Variants in CDH18 observed in about 807,000 individuals in gnomAD.
CDH18 encodes the protein cadherin-18.
CDH18 carries 31 observed loss-of-function variants against 67.9 expected under a neutral mutation model. That is an observed-to-expected ratio of 0.46 (90% CI 0.34 to 0.62). The LOEUF (loss-of-function observed/expected upper bound fraction) is 0.62, where lower values mean the gene tolerates loss of function less well. Ranked by LOEUF, CDH18 falls within the 20% of genes least tolerant of loss-of-function variation. CDH18 has a pLI of 0.01. For missense variants in CDH18, 890 were observed against 975.5 expected (o/e 0.91, Z 1.17); for synonymous variants, 362 against 347.2 (o/e 1.04, Z -0.48).
intron 6 of CDH18, among the ~76,000 whole-genome samples, chr5:19,599,802 G>C (rs1746777124): frequency 6.6e-6 from 1 of 152,104 alleles, no homozygotes; most frequent in Admixed American, 6.5e-5. Flanking sequence ...CAGGAGAATG[G>C]CGTGAACCCG....
intron 2 of CDH18, among the ~76,000 whole-genome samples, chr5:19,960,196 TTTAA>T (rs757842186): frequency 5.1e-4 from 78 of 152,242 alleles, no homozygotes; most frequent in South Asian, 1.2e-3. Flanking sequence ...TTATCAGCTG[TTTAA>T]TTATTTTAAA....
chr5:19,708,077 A>G lies in CDH18; in HGVS notation c.643+13270T>C, dbSNP rs570863995. ...ATATGGCCCACTCTAGGAGCTAAAC[A>G]TAAGGATTTGTGGAAACTATTAATG... On this transcript the variant is annotated intron_variant, in intron 5 of 12. Coordinates refer to ENST00000382275, the MANE Select transcript of CDH18 (RefSeq NM_004934.5). 5.9e-5 allele frequency among the ~76,000 whole-genome samples: 9 copies of G among 152,350 alleles called. No homozygotes were observed. The South Asian group carries it at 1.9e-3, about 32-fold the overall frequency.
intron 1 of CDH18, among the ~76,000 whole-genome samples, chr5:20,441,124 A>ATT (rs142140211): frequency 6.6e-6 from 1 of 151,210 alleles, no homozygotes; most frequent in African/African-American, 2.4e-5. Context: ...CAAGAACAGA[A>ATT]TTTTTGTTTT....
intron 3 of CDH18, among the ~76,000 whole-genome samples, chr5:19,813,532 T>C (rs545691014): frequency 6.6e-6 from 1 of 152,152 alleles, no homozygotes; most frequent in African/African-American, 2.4e-5. Flanking sequence ...AAAAAAGACA[T>C]TAGAACTATA....
chr5:19,498,955 G>A (rs768015641), intron 11 of CDH18, among the ~76,000 whole-genome samples: 1 of 152,162 alleles, frequency 6.6e-6, no homozygotes, highest in Non-Finnish European at 1.5e-5. Flanking sequence ...TGGTTGAGCA[G>A]CATGTTTATT....
chr5:19,493,515 A>G (rs545918530), intron 11 of CDH18, among the ~76,000 whole-genome samples: 4 of 150,372 alleles, frequency 2.7e-5, no homozygotes, highest in African/African-American at 9.8e-5. Flanking sequence ...GATAGCTTAA[A>G]ATGTCAGCCC....
chr5:19,513,231 C>G (rs1745403945), intron 10 of CDH18, among the ~76,000 whole-genome samples: 2 of 152,038 alleles, frequency 1.3e-5, no homozygotes, highest in Admixed American at 6.6e-5. Flanking sequence ...CTTAAGACTC[C>G]CAAGTAGCTG....
intron 1 of CDH18, among the ~76,000 whole-genome samples, chr5:20,385,333 G>C (rs1018500159): frequency 3.9e-5 from 6 of 152,070 alleles, no homozygotes; most frequent in Non-Finnish European, 8.8e-5. Flanking sequence ...AAATCTCCAA[G>C]AATGTCCTTG....
chr5:19,678,001 T>G (rs2150373063), intron 5 of CDH18, among the ~76,000 whole-genome samples: 1 of 151,926 alleles, frequency 6.6e-6, no homozygotes, highest in African/African-American at 2.4e-5. Context: ...AAGAAAGTTC[T>G]TAGAGACCTA....
At chr5:19,618,487 C>T (rs1393948361) in intron 5 of CDH18, among the ~76,000 whole-genome samples, 5 of 152,096 alleles carry the variant, frequency 3.3e-5, no homozygotes, top group East Asian at 1.9e-4. Flanking sequence ...ATTACAGGCA[C>T]GAGCCACCGT....
chr5:19,647,982 GA>G (rs554299228), intron 5 of CDH18, among the ~76,000 whole-genome samples: 4 of 151,834 alleles, frequency 2.6e-5, no homozygotes, highest in African/African-American at 9.7e-5. Context: ...TATGTAGGCA[GA>G]AAAAAAATAA....
At chr5:19,487,612 A>G (rs1740619618) in intron 11 of CDH18, among the ~76,000 whole-genome samples, 1 of 152,202 alleles carries the variant, frequency 6.6e-6, no homozygotes, top group Non-Finnish European at 1.5e-5. Context: ...TAGTATTTCC[A>G]TAAACCATAC....
intron 1 of CDH18, among the ~76,000 whole-genome samples, chr5:20,563,338 A>G (rs1266908697): frequency 2.0e-5 from 3 of 152,030 alleles, no homozygotes; most frequent in Non-Finnish European, 4.4e-5. Flanking sequence ...TAGACAAACA[A>G]TTGTTTCTTG....
intron 4 of CDH18, among the ~76,000 whole-genome samples, chr5:19,733,302 G>A (rs1050503521): frequency 2.6e-5 from 4 of 152,040 alleles, no homozygotes; most frequent in African/African-American, 9.7e-5. Flanking sequence ...TTTCCTAATT[G>A]TTTTTACACT....
At chr5:20,238,834 T>C (rs914308922) in intron 2 of CDH18, among the ~76,000 whole-genome samples, 10 of 152,144 alleles carry the variant, frequency 6.6e-5, no homozygotes, top group Non-Finnish European at 1.5e-4. Context: ...TATGCTGTGA[T>C]TAAACATATA....
intron 2 of CDH18, among the ~76,000 whole-genome samples, chr5:20,044,797 C>T (rs1037252886): frequency 2.6e-5 from 4 of 152,190 alleles, no homozygotes; most frequent in African/African-American, 9.7e-5. Flanking sequence ...AGGTTTCCTT[C>T]ACTTTCCTCT....
chr5:20,508,824 T>G (rs1198490234), intron 1 of CDH18, among the ~76,000 whole-genome samples: 3 of 152,122 alleles, frequency 2.0e-5, no homozygotes, highest in African/African-American at 7.2e-5. Flanking sequence ...CTATATTATA[T>G]GAATTTTCAT....
intron 8 of CDH18, among the ~76,000 whole-genome samples, chr5:19,571,350 T>C (rs1026696421): frequency 1.3e-5 from 2 of 152,112 alleles, no homozygotes; most frequent in Non-Finnish European, 2.9e-5. Context: ...AATGAAAAAA[T>C]TAACATGTGG....
chr5:20,111,827 G>C (rs1247382797), intron 2 of CDH18, among the ~76,000 whole-genome samples: 1 of 152,038 alleles, frequency 6.6e-6, no homozygotes, highest in African/African-American at 2.4e-5. Flanking sequence ...ACAGGCGTGA[G>C]CCACCACGCC....
Sources: allele counts gnomAD v4.1 joint callset (sites outside exome capture counted in the v4.1 genomes callset), GRCh38; gene constraint gnomAD v4.1.1; transcripts MANE v1.5; gene names NCBI Gene and HGNC (gene_info 2026-07-23, HGNC 2026-07-21).